PNPLA4: variants seen among roughly 807,000 people sequenced by gnomAD.
PNPLA4 encodes the protein patatin like domain 4, phospholipase and triacylglycerol lipase.
In PNPLA4, 15 loss-of-function variants were observed where a neutral mutation model predicts 18.3. That is an observed-to-expected ratio of 0.82 (90% CI 0.55 to 1.26). The LOEUF (loss-of-function observed/expected upper bound fraction) is 1.26. PNPLA4 is among the 50% of genes most tolerant of loss of function. The pLI is 0.00. For missense variants in PNPLA4, 229 were observed against 196.8 expected (o/e 1.16, Z -0.98); for synonymous variants, 88 against 85.6 (o/e 1.03, Z -0.16).
In PNPLA4 at chrX:7,901,988, C is replaced by T. The variant is rs774742279; in HGVS notation, c.630+1G>A. The T allele has an allele frequency of 8.3e-7, 1 of 1,205,638 alleles. No homozygotes were observed. Among genetic ancestry groups the T allele is most frequent in the East Asian group, 3.0e-5 (1 of 33,598 alleles). The stretch of plus-strand genomic sequence containing the variant: ...AAATATCACTGAACATAATTACTCA[C>T]CATGATATCCTGCTTGGCGATATTA... On this transcript the variant is annotated splice_donor_variant, in intron 6 of 6. Coordinates refer to ENST00000381042, the MANE Select transcript of PNPLA4 (RefSeq NM_004650.3). LOFTEE classifies it high-confidence loss of function.
In PNPLA4 at chrX:7,923,894, C is replaced by T. The variant is rs140568971; in HGVS notation, c.181-1796G>A. On this transcript the variant is annotated intron_variant, in intron 2 of 6. Coordinates refer to ENST00000381042, the MANE Select transcript of PNPLA4 (RefSeq NM_004650.3). ...TGCCTTTGGGTGACATCACTCTAAG[C>T]GCTATGAGGTAGGTGGATTGTAGGG... Among the ~76,000 whole-genome samples the T allele has an allele frequency of 1.9e-3, 211 of 110,837 alleles. 1 individual carries two copies. The highest frequency in any genetic ancestry group is 0.014 in the Middle Eastern group (3 of 216).
chrX:7,909,022 G>T (rs1376065065), intron 5 of PNPLA4, among the ~76,000 whole-genome samples: 1 of 111,720 alleles, frequency 9.0e-6, no homozygotes, highest in Non-Finnish European at 1.9e-5. Context: ...ACAACATGGC[G>T]CTGCGGCTGG....
At chrX:7,923,917 G>T (rs1277571125) in intron 2 of PNPLA4, among the ~76,000 whole-genome samples, 1 of 111,377 alleles carries the variant, frequency 9.0e-6, no homozygotes, top group African/African-American at 3.3e-5. Context: ...GTGGATTGTA[G>T]GGAGCTTGAA....
chrX:7,922,472 C>T (rs1454931421), intron 2 of PNPLA4, among the ~76,000 whole-genome samples: 2 of 112,447 alleles, frequency 1.8e-5, no homozygotes, highest in African/African-American at 3.2e-5. Flanking sequence ...TGATTACAAC[C>T]GTGCAACAAA....
At position 7,898,445 on chromosome X, in the gene PNPLA4, C is replaced by A. The variant is rs1395048110; in HGVS notation, c.*2241G>T. On this transcript the variant is annotated 3_prime_UTR_variant, in exon 7 of 7. Transcript: ENST00000381042. ...TTTTGATCCCACAAGTGAGGCAGAT[C>A]CTGTTGTGAATGCCTGTTTTCAATT... 9.0e-6 allele frequency: 1 copy of A among 111,518 alleles called. No individual in the cohort carries two copies. The highest frequency in any genetic ancestry group is 1.9e-5 in the Non-Finnish European group (1 of 53,143). The allele number at this position is 111,518 out of a possible 1,213,427, so 9.2% of individuals were successfully genotyped here. A position where few individuals can be genotyped will look rare whatever the true frequency, so the allele number is the denominator to read the frequency against.
At position 7,898,698 on chromosome X, in the gene PNPLA4, A is replaced by G. The variant is rs1923414619; in HGVS notation, c.*1988T>C. 8.9e-6 allele frequency: 1 copy of G among 112,041 alleles called. No homozygotes were observed. The highest frequency in any genetic ancestry group is 3.2e-5 in the African/African-American group (1 of 30,789). 9.2% of individuals were successfully genotyped at this position (112,041 alleles called of 1,213,427 possible). On this transcript the variant is annotated 3_prime_UTR_variant, in exon 7 of 7. Transcript: ENST00000381042. ...AGTACCAACACCTGGGTGATAAATT[A>G]ATCTTTACAACAAACCCCCGTGACA...
chrX:7,906,751 A>C (rs1262887946), intron 5 of PNPLA4, among the ~76,000 whole-genome samples: 1 of 112,228 alleles, frequency 8.9e-6, no homozygotes, highest in Non-Finnish European at 1.9e-5. Context: ...TAGAAGCCTA[A>C]GGACCACAGT....
At position 7,899,879 on chromosome X, in the gene PNPLA4, T is replaced by A. The variant is rs1333208114; in HGVS notation, c.*807A>T. 9.0e-6 allele frequency: 1 copy of A among 111,559 alleles called. No homozygotes were observed. The highest frequency in any genetic ancestry group is 1.9e-5 in the Non-Finnish European group (1 of 53,120). 9.2% of individuals were successfully genotyped at this position (111,559 alleles called of 1,213,427 possible). ...CCCACCCAAATCTCATCTTGAAGTG[T>A]ATGTAGCTCCCACAATTGCCACACG... is the stretch of plus-strand genomic sequence containing the variant. On this transcript the variant is annotated 3_prime_UTR_variant, in exon 7 of 7. Coordinates refer to ENST00000381042, the MANE Select transcript of PNPLA4 (RefSeq NM_004650.3).
At chrX:7,923,462 T>C (rs1924297725) in intron 2 of PNPLA4, among the ~76,000 whole-genome samples, 1 of 111,789 alleles carries the variant, frequency 8.9e-6, no homozygotes, top group African/African-American at 3.3e-5. Context: ...TTTAGCTCAG[T>C]GAGACCCTTT....
At chrX:7,913,460 C>A (rs766526220) in intron 4 of PNPLA4, among the ~76,000 whole-genome samples, 1 of 112,363 alleles carries the variant, frequency 8.9e-6, no homozygotes. Context: ...CCTATAGCAA[C>A]AGGCTCCTGA....
chrX:7,905,489 T>C (rs758414087), intron 5 of PNPLA4, among the ~76,000 whole-genome samples: 12 of 112,043 alleles, frequency 1.1e-4, no homozygotes, highest in Admixed American at 9.5e-4. Flanking sequence ...GTATGGTAGA[T>C]GCTGGGGATA....
chrX:7,922,734 G>C (rs1250345742), intron 2 of PNPLA4, among the ~76,000 whole-genome samples: 1 of 112,236 alleles, frequency 8.9e-6, no homozygotes, highest in Non-Finnish European at 1.9e-5. Flanking sequence ...GAGAGTTCAA[G>C]TGTCTATCCC....
intron 2 of PNPLA4, among the ~76,000 whole-genome samples, chrX:7,925,704 CAA>C (rs753647925): frequency 8.9e-6 from 1 of 112,209 alleles, no homozygotes; most frequent in East Asian, 2.8e-4. Flanking sequence ...AATAAAAACT[CAA>C]GAGTAATATA....
At chrX:7,906,669 G>A (rs1040526524) in intron 5 of PNPLA4, among the ~76,000 whole-genome samples, 1 of 112,315 alleles carries the variant, frequency 8.9e-6, no homozygotes, top group Admixed American at 9.4e-5. Flanking sequence ...TGGTGGCAAG[G>A]CCAGCTACCA....
intron 4 of PNPLA4, among the ~76,000 whole-genome samples, chrX:7,916,974 G>A (rs1006636715): frequency 8.9e-6 from 1 of 112,230 alleles, no homozygotes; most frequent in Non-Finnish European, 1.9e-5. Flanking sequence ...TAAAGGAGGA[G>A]GGGAATGGTT....
intron 4 of PNPLA4, among the ~76,000 whole-genome samples, chrX:7,918,571 C>A (rs1924115656): frequency 1.8e-5 from 2 of 110,829 alleles, no homozygotes; most frequent in African/African-American, 3.3e-5. Flanking sequence ...GCTGTATGTT[C>A]AGAGCGAGGT....
intron 4 of PNPLA4, among the ~76,000 whole-genome samples, chrX:7,919,654 G>A (rs1221802121): frequency 1.8e-5 from 2 of 112,300 alleles, no homozygotes; most frequent in African/African-American, 6.5e-5. Context: ...CTTTTGCCAG[G>A]TAAGGTTATA....
rs1044048808 is a variant in PNPLA4 at position 7,912,154 on chromosome X, G to A, written c.412-61C>T. The stretch of plus-strand genomic sequence containing the variant: ...CAGGCATGAACATTCAGACAATACA[G>A]TTGATGTAGTATTGACTAGCAAAAT... On this transcript the variant is annotated intron_variant, in intron 4 of 6. Coordinates refer to ENST00000381042, the MANE Select transcript of PNPLA4 (RefSeq NM_004650.3). 13 of 852,508 alleles carry A rather than the reference G, an allele frequency of 1.5e-5. No individual in the cohort carries two copies. The East Asian group carries it at 4.2e-4, about 27-fold the overall frequency. The allele number at this position is 852,508 out of a possible 1,213,427, so 70.3% of individuals were successfully genotyped here. A position where few individuals can be genotyped will look rare whatever the true frequency, so the allele number is the denominator to read the frequency against.
At chrX:7,902,990 C>G (rs1923587871) in intron 5 of PNPLA4, among the ~76,000 whole-genome samples, 1 of 111,726 alleles carries the variant, frequency 9.0e-6, no homozygotes, top group Non-Finnish European at 1.9e-5. Flanking sequence ...AAATAACACC[C>G]AAATTGTCTA....
Sources: gnomAD v4.1 joint callset for allele counts (sites outside exome capture counted in the v4.1 genomes callset) on GRCh38, gnomAD v4.1.1 for gene constraint, MANE v1.5 for transcripts, NCBI Gene and HGNC (gene_info 2026-07-23, HGNC 2026-07-21) for gene names.